Variants in SREK1IP1 observed in about 807,000 individuals in gnomAD.
SREK1IP1 encodes the protein SREK1 interacting protein 1, also known as protein SREK1IP1.
In SREK1IP1, 12 loss-of-function variants were observed where a neutral mutation model predicts 22.8. The observed-to-expected ratio is 0.53, with a 90% confidence interval of 0.34 to 0.85. SREK1IP1 has a LOEUF of 0.85. SREK1IP1 is among the 40% of genes least tolerant of loss of function. The probability of loss-of-function intolerance (pLI) is 0.02; values close to 1 mark genes in which losing one functional copy is unlikely to be tolerated. For missense variants in SREK1IP1, 147 were observed against 171.8 expected (o/e 0.86, Z 0.81); for synonymous variants, 53 against 52.7 (o/e 1.01, Z -0.02).
At chr5:64,760,045 T>C (rs1455779769) in intron 1 of SREK1IP1, among the ~76,000 whole-genome samples, 4 of 152,238 alleles carry the variant, frequency 2.6e-5, no homozygotes, top group African/African-American at 7.2e-5. Context: ...TTATTCACTA[T>C]AGCATTGTTT....
chr5:64,757,861 CTTTTTTTTTT>C (rs59456636), intron 1 of SREK1IP1, among the ~76,000 whole-genome samples: 14 of 72,944 alleles, frequency 1.9e-4, no homozygotes, highest in Admixed American at 8.1e-4. Context: ...AGGTTCCTAT[CTTTTTTTTTT>C]TTTTTTTTTT....
At chr5:64,738,847 A>G (rs541496651) in intron 3 of SREK1IP1, among the ~76,000 whole-genome samples, 43 of 152,286 alleles carry the variant, frequency 2.8e-4, no homozygotes, top group African/African-American at 1.0e-3. Context: ...ATATCTGAAA[A>G]CAACTTTATT....
At chr5:64,760,487 C>T (rs1007383528) in intron 1 of SREK1IP1, among the ~76,000 whole-genome samples, 8 of 152,190 alleles carry the variant, frequency 5.3e-5, no homozygotes, top group Non-Finnish European at 1.2e-4. Flanking sequence ...CCTTAATAAG[C>T]ACATTCCTTT....
chr5:64,739,389 C>T (rs1052197890), intron 3 of SREK1IP1, among the ~76,000 whole-genome samples: 9 of 152,090 alleles, frequency 5.9e-5, no homozygotes, highest in African/African-American at 1.9e-4. Flanking sequence ...GGGAAGTCAT[C>T]TGACTTCATA....
rs1742185715 is a variant in SREK1IP1, at chr5:64,722,525, C to T, written c.*1859G>A. On this transcript the variant is annotated 3_prime_UTR_variant, in exon 5 of 5. Transcript: ENST00000513458. ...GTCAAGCAGTGGGAGTAAAGAAACA[C>T]CACTGCACTTGTGCCAGCCTCGTTT... The T allele has an allele frequency of 6.6e-6, 1 of 152,086 alleles. No individual in the cohort carries two copies. The highest frequency in any genetic ancestry group is 2.4e-5 in the African/African-American group (1 of 41,414). The allele number at this position is 152,086 out of a possible 1,614,324, so 9.4% of individuals were successfully genotyped here.
In SREK1IP1 at chr5:64,754,693, G is replaced by T. The variant is rs1023210747; in HGVS notation, c.14-331C>A. 3.0e-4 allele frequency: 63 copies of T among 212,154 alleles called. No individual in the cohort carries two copies. The Middle Eastern group carries it at 5.9e-3, about 20-fold the overall frequency. 13.1% of individuals were successfully genotyped at this position (212,154 alleles called of 1,614,324 possible). ...TTGCCCAGGCGATCTCAAACTTCTG[G>T]CCTCAAGCGATCCTCCTCTGGCCTC... On this transcript the variant is annotated intron_variant, in intron 1 of 4. Transcript: ENST00000513458.
chr5:64,755,577 G>C (rs867160520), intron 1 of SREK1IP1, among the ~76,000 whole-genome samples: 5 of 151,998 alleles, frequency 3.3e-5, no homozygotes, highest in Non-Finnish European at 7.4e-5. Context: ...GGAGGACAAG[G>C]GTTGAAAAAC....
At chr5:64,764,478 C>T (rs1220358365) in intron 1 of SREK1IP1, among the ~76,000 whole-genome samples, 1 of 152,120 alleles carries the variant, frequency 6.6e-6, no homozygotes, top group Non-Finnish European at 1.5e-5. Context: ...TTGGCCAAGT[C>T]AGATTTTTGC....
chr5:64,729,977 T>C (rs996792158), intron 3 of SREK1IP1, among the ~76,000 whole-genome samples: 4 of 152,158 alleles, frequency 2.6e-5, no homozygotes, highest in South Asian at 2.1e-4. Flanking sequence ...AGCTTATAGA[T>C]AGTATTTAAA....
chr5:64,728,422 T>C lies in SREK1IP1; in HGVS notation c.206-243A>G, dbSNP rs76426388. Reference sequence around the variant, plus strand: ...AGTAAAAAAATGCAAGTACCCCACCTCTAATTCCCATAGGAAATCAAGGCC... The same window carrying C: ...AGTAAAAAAATGCAAGTACCCCACCCCTAATTCCCATAGGAAATCAAGGCC... On this transcript the variant is annotated intron_variant, in intron 3 of 4. Transcript: ENST00000513458. Among the ~76,000 whole-genome samples, 19 of 152,296 alleles carry C rather than the reference T, an allele frequency of 1.2e-4. No homozygotes were observed. In the East Asian group the frequency reaches 3.7e-3, roughly 29 times the overall value.
At chr5:64,761,226 T>C (rs1742947965) in intron 1 of SREK1IP1, among the ~76,000 whole-genome samples, 2 of 152,182 alleles carry the variant, frequency 1.3e-5, no homozygotes, top group South Asian at 4.1e-4. Flanking sequence ...GGGCTGGTCC[T>C]TTTTCTTCCA....
intron 3 of SREK1IP1, among the ~76,000 whole-genome samples, chr5:64,728,603 G>A (rs949897618): frequency 1.6e-4 from 25 of 151,950 alleles, no homozygotes; most frequent in African/African-American, 5.3e-4. Flanking sequence ...ATTCTTGTAG[G>A]CATTCTTTAT....
At chr5:64,734,391 A>G (rs1742424012) in intron 3 of SREK1IP1, among the ~76,000 whole-genome samples, 1 of 151,968 alleles carries the variant, frequency 6.6e-6, no homozygotes, top group Non-Finnish European at 1.5e-5. Flanking sequence ...CAAGTACTTT[A>G]GAATTGGCTT....
chr5:64,724,870 T>A (rs1243103555), intron 4 of SREK1IP1, among the ~76,000 whole-genome samples: 3 of 152,158 alleles, frequency 2.0e-5, no homozygotes, highest in African/African-American at 7.2e-5. Context: ...TGCAGTCATA[T>A]CATTCAAAAT....
At chr5:64,754,486 A>G (rs1178046949) in intron 1 of SREK1IP1, 124 bp from the exon 2 acceptor site, 2 of 846,826 alleles carry the variant, frequency 2.4e-6, no homozygotes, top group African/African-American at 3.5e-5. Flanking sequence ...TGTTGTTGAG[A>G]CAAGGTGTCA....
intron 1 of SREK1IP1, among the ~76,000 whole-genome samples, chr5:64,763,272 C>T (rs924494544): frequency 6.6e-6 from 1 of 152,012 alleles, no homozygotes; most frequent in African/African-American, 2.4e-5. Flanking sequence ...GGCGCGGTGG[C>T]TCATGCCTGT....
At chr5:64,733,682 C>T (rs1037831597) in intron 3 of SREK1IP1, among the ~76,000 whole-genome samples, 3 of 152,070 alleles carry the variant, frequency 2.0e-5, no homozygotes, top group Non-Finnish European at 2.9e-5. Context: ...TAAAGACTTA[C>T]GTTCACCCAA....
intron 1 of SREK1IP1, among the ~76,000 whole-genome samples, chr5:64,759,036 T>C (rs1742899576): frequency 6.6e-6 from 1 of 152,160 alleles, no homozygotes; most frequent in South Asian, 2.1e-4. Flanking sequence ...AGTGACACAA[T>C]AAAGTGGGGA....
intron 1 of SREK1IP1, among the ~76,000 whole-genome samples, chr5:64,755,373 A>G (rs761165817): frequency 3.5e-4 from 53 of 152,366 alleles, no homozygotes; most frequent in Non-Finnish European, 6.6e-4. Context: ...AATACTATGA[A>G]GCCATAAAAA....
Sources: allele counts gnomAD v4.1 joint callset (sites outside exome capture counted in the v4.1 genomes callset), GRCh38; gene constraint gnomAD v4.1.1; transcripts MANE v1.5; gene names NCBI Gene and HGNC (gene_info 2026-07-23, HGNC 2026-07-21).